Variants in LRRN1 observed in about 807,000 individuals in gnomAD.
LRRN1 encodes leucine rich repeat neuronal 1.
Under a neutral mutation model 45.8 loss-of-function variants are expected in LRRN1, and 14 were observed. That is an observed-to-expected ratio of 0.31 (90% CI 0.20 to 0.48). The LOEUF (loss-of-function observed/expected upper bound fraction) is 0.48. Ranked by LOEUF, LRRN1 falls within the 20% of genes least tolerant of loss-of-function variation. The probability of loss-of-function intolerance (pLI) is 0.99; values close to 1 mark genes in which losing one functional copy is unlikely to be tolerated. For synonymous variants in LRRN1, 359 were observed against 330.1 expected (o/e 1.09, Z -0.95); for missense variants, 789 against 874.2 (o/e 0.90, Z 1.23).
intron 1 of LRRN1, chr3:3,822,676 A>C (rs1292661394): frequency 1.3e-5 from 2 of 152,194 alleles, no homozygotes; most frequent in Non-Finnish European, 2.9e-5. Context: ...TAATAACTAG[A>C]ATGCAAATAT....
chr3:3,813,040 C>T (rs901733119), intron 1 of LRRN1, among the ~76,000 whole-genome samples: 7 of 152,130 alleles, frequency 4.6e-5, no homozygotes, highest in African/African-American at 1.7e-4. Context: ...CTGTGTTGCT[C>T]ACAGATACAG....
At chr3:3,813,456 G>A (rs1482472185) in intron 1 of LRRN1, among the ~76,000 whole-genome samples, 1 of 152,202 alleles carries the variant, frequency 6.6e-6, no homozygotes, top group East Asian at 1.9e-4. Context: ...AGATAGTGGG[G>A]GTAGAGTGGG....
At chr3:3,817,567 T>A (rs1218406336) in intron 1 of LRRN1, among the ~76,000 whole-genome samples, 1 of 152,202 alleles carries the variant, frequency 6.6e-6, no homozygotes, top group Non-Finnish European at 1.5e-5. Flanking sequence ...TTCTTGACAT[T>A]TTCTTAGTCT....
At chr3:3,808,799 T>TAAA (rs151177627) in intron 1 of LRRN1, among the ~76,000 whole-genome samples, 21 of 151,552 alleles carry the variant, frequency 1.4e-4, no homozygotes, top group Non-Finnish European at 1.5e-4. Flanking sequence ...ACTTTTTTTT[T>TAAA]ATTTTACTAC....
At chr3:3,828,132 TTATATA>T (rs3043963) in intron 1 of LRRN1, among the ~76,000 whole-genome samples, 13 of 145,282 alleles carry the variant, frequency 8.9e-5, no homozygotes, top group East Asian at 6.1e-4. Context: ...AGGGACAGAA[TTATATA>T]TATATATATA....
Position 3,804,539 on chromosome 3 carries a change from A to G in LRRN1, c.-279+4620A>G, listed in dbSNP as rs535759446. ...TCAGCTTAAGACACTTAGTTTTAAA[A>G]TCTATGGAGTGAAAACTGCTTTTAG... On this transcript the variant is annotated intron_variant, in intron 1 of 1. Transcript: ENST00000319331. Among the ~76,000 whole-genome samples, 3 of 152,326 alleles carry G rather than the reference A, an allele frequency of 2.0e-5. 1 individual carries two copies. In the East Asian group the frequency reaches 5.8e-4, roughly 29 times the overall value.
intron 1 of LRRN1, among the ~76,000 whole-genome samples, chr3:3,828,416 A>G (rs1693278955): frequency 6.6e-6 from 1 of 151,862 alleles, no homozygotes; most frequent in Non-Finnish European, 1.5e-5. Context: ...GAAGGTGATT[A>G]GATCGTGCCC....
chr3:3,836,539 A>T (rs561491878), intron 1 of LRRN1, among the ~76,000 whole-genome samples: 2 of 152,232 alleles, frequency 1.3e-5, no homozygotes, highest in East Asian at 3.9e-4. Flanking sequence ...ATTCCATTGT[A>T]TGTACACACC....
intron 1 of LRRN1, among the ~76,000 whole-genome samples, chr3:3,821,411 C>T (rs1230944097): frequency 6.6e-6 from 1 of 152,118 alleles, no homozygotes; most frequent in Non-Finnish European, 1.5e-5. Context: ...TTCCTCCCTC[C>T]CAAAGATCCA....
chr3:3,847,925 A>G lies in LRRN1; in HGVS notation c.*1133A>G, dbSNP rs549726459. On this transcript the variant is annotated 3_prime_UTR_variant, in exon 2 of 2. Transcript: ENST00000319331. ...TGCATAAATAAAGGTAAATATATATATACACCAATATATTCATATATACTC... is the reference window on the plus strand; with the variant it reads ...TGCATAAATAAAGGTAAATATATATGTACACCAATATATTCATATATACTC... Among the ~76,000 whole-genome samples the G allele has an allele frequency of 1.3e-5, 2 of 152,252 alleles. No individual in the cohort carries two copies. Among genetic ancestry groups the G allele is most frequent in the East Asian group, 3.9e-4 (2 of 5,182 alleles).
chr3:3,841,028 G>A (rs768863306), intron 1 of LRRN1, among the ~76,000 whole-genome samples: 10 of 152,052 alleles, frequency 6.6e-5, no homozygotes, highest in Non-Finnish European at 1.0e-4. Flanking sequence ...GGCTGGGTGC[G>A]GTGGCTCACA....
At chr3:3,822,548 C>A (rs78726930) in intron 1 of LRRN1, among the ~76,000 whole-genome samples, 2,391 of 152,184 alleles carry the variant, frequency 0.016, 62 homozygotes, top group African/African-American at 0.055. Context: ...TGAAACACTT[C>A]TTTCCAGACA....
chr3:3,829,417 G>A (rs960479535), intron 1 of LRRN1, among the ~76,000 whole-genome samples: 1 of 152,152 alleles, frequency 6.6e-6, no homozygotes, highest in Non-Finnish European at 1.5e-5. Context: ...AATTTTGCTA[G>A]TGGATCACTA....
intron 1 of LRRN1, among the ~76,000 whole-genome samples, chr3:3,805,398 T>C (rs76964487): frequency 9.5e-4 from 145 of 152,300 alleles, no homozygotes; most frequent in African/African-American, 3.4e-3. Context: ...TAATAATCAG[T>C]GTAATCAAGT....
At chr3:3,822,064 A>T (rs1313800866) in intron 1 of LRRN1, among the ~76,000 whole-genome samples, 1 of 152,216 alleles carries the variant, frequency 6.6e-6, no homozygotes, top group Non-Finnish European at 1.5e-5. Context: ...AGATGCCTGG[A>T]TTCACATAGA....
chr3:3,817,249 G>A (rs765319995), intron 1 of LRRN1, among the ~76,000 whole-genome samples: 6 of 152,052 alleles, frequency 3.9e-5, no homozygotes, highest in African/African-American at 1.2e-4. Context: ...ATTTTCTTGC[G>A]GCGATTAAAA....
intron 1 of LRRN1, among the ~76,000 whole-genome samples, chr3:3,828,152 A>C (rs200157418): frequency 7.4e-6 from 1 of 135,656 alleles, no homozygotes; most frequent in East Asian, 2.3e-4. Context: ...ATATATATAT[A>C]TTATATATAT....
intron 1 of LRRN1, among the ~76,000 whole-genome samples, chr3:3,826,550 G>C (rs780083821): frequency 3.3e-5 from 5 of 152,058 alleles, no homozygotes; most frequent in Non-Finnish European, 7.4e-5. Context: ...TTATGCAAAA[G>C]AGCCTCAGGA....
rs1285965414 is a variant in LRRN1 at position 3,844,681 on chromosome 3, G to A, written c.40G>A (p.Val14Met). Residue 14 changes from valine to methionine, a missense_variant, in exon 2 of 2, where the codon GTG (valine) becomes ATG (methionine). Physicochemically the swap from Val to Met is conservative, Grantham distance 21. Coordinates refer to ENST00000319331, the MANE Select transcript of LRRN1 (RefSeq NM_020873.7). ...MSFVIAACQLVLGLLMTSLTE... is the reference protein window; with the variant it reads ...MSFVIAACQLMLGLLMTSLTE... ...CTTTGTTATAGCAGCTTGCCAATTG[G>A]TGCTGGGCCTACTAATGACTTCATT... 4.3e-6 allele frequency: 7 copies of A among 1,613,960 alleles called. No homozygotes were observed. The highest frequency in any genetic ancestry group is 1.1e-5 in the South Asian group (1 of 91,064).
Sources: allele counts gnomAD v4.1 joint callset (sites outside exome capture counted in the v4.1 genomes callset), GRCh38; gene constraint gnomAD v4.1.1; transcripts MANE v1.5; gene names NCBI Gene and HGNC (gene_info 2026-07-23, HGNC 2026-07-21).